The following ACSS1 variants were observed in gnomAD, a reference collection of about 807,000 sequenced individuals.
The protein encoded by ACSS1 is acyl-CoA synthetase short chain family member 1.
In ACSS1, 42 loss-of-function variants were observed where a neutral mutation model predicts 75.3. The ratio of observed to expected loss-of-function variants is 0.56; its 90% CI spans 0.44 to 0.72. ACSS1 has a LOEUF of 0.72. Among genes scored for constraint, ACSS1 ranks in the 30% least tolerant of loss-of-function variants. The probability of loss-of-function intolerance (pLI) is 0.00; values close to 1 mark genes in which losing one functional copy is unlikely to be tolerated. For synonymous variants in ACSS1, 380 were observed against 376.8 expected (o/e 1.01, Z -0.10); for missense variants, 782 against 935.7 (o/e 0.84, Z 2.14).
At chr20:25,017,952 AC>A (rs1339549744) in intron 7 of ACSS1, among the ~76,000 whole-genome samples, 1 of 152,136 alleles carries the variant, frequency 6.6e-6, no homozygotes, top group East Asian at 1.9e-4. Flanking sequence ...GGCCCTGGCC[AC>A]CCCGCTGTTT....
At chr20:25,026,424 T>C (rs918217279) in intron 3 of ACSS1, among the ~76,000 whole-genome samples, 1 of 152,140 alleles carries the variant, frequency 6.6e-6, no homozygotes, top group Admixed American at 6.5e-5. Flanking sequence ...CTTGGAGCCA[T>C]GTGCTGCCAT....
Position 25,007,731 on chromosome 20 carries a change from G to A in ACSS1, c.*31C>T, listed in dbSNP as rs760040199. The A allele has an allele frequency of 1.2e-5, 19 of 1,608,860 alleles. 1 individual carries two copies. The highest frequency in any genetic ancestry group is 4.4e-5 in the South Asian group (4 of 90,574). On this transcript the variant is annotated 3_prime_UTR_variant, in exon 14 of 14. Transcript: ENST00000323482. ...AGGACAAGCCAGGGCTTGGGTGCCC[G>A]CCCATCCCAAGAGCCCCACAAGGTG...
At chr20:25,041,679 T>C (rs1473152888) in intron 2 of ACSS1, among the ~76,000 whole-genome samples, 2 of 151,966 alleles carry the variant, frequency 1.3e-5, no homozygotes, top group Non-Finnish European at 2.9e-5. Context: ...TGTCCCACAA[T>C]TTAGTTGTGA....
intron 10 of ACSS1, among the ~76,000 whole-genome samples, chr20:25,013,151 C>T (rs2088445759): frequency 1.3e-5 from 2 of 152,210 alleles, no homozygotes; most frequent in South Asian, 4.1e-4. Flanking sequence ...ACAAGCAGCA[C>T]ATCCAAGATG....
At position 25,013,979 on chromosome 20, in the gene ACSS1, G is replaced by C. The variant is rs144154135; in HGVS notation, c.1434C>G (p.Pro478=). Residue 478 remains proline (P), a synonymous_variant, in exon 9 of 14, where the codon CCC becomes CCG. Coordinates refer to ENST00000323482, the MANE Select transcript of ACSS1 (RefSeq NM_032501.4). The part of the protein sequence containing the change: ...MAMRPFFGIV[P]VLMDEKGSVV... ...TACACACCTTCTCATCCATGAGGAC[G>C]GGGACGATGCCAAAGAAGGGCCTCA... 4.3e-6 allele frequency: 7 copies of C among 1,613,746 alleles called. No individual in the cohort carries two copies. Among genetic ancestry groups the C allele is most frequent in the Non-Finnish European group, 4.2e-6 (5 of 1,179,870 alleles).
intron 1 of ACSS1, among the ~76,000 whole-genome samples, chr20:25,050,696 C>T (rs568070121): frequency 6.6e-6 from 1 of 152,206 alleles, no homozygotes; most frequent in Admixed American, 6.5e-5. Context: ...CATCGCCTCA[C>T]CTGCTCCCAC....
At chr20:25,044,538 G>A (rs758487612) in intron 2 of ACSS1, among the ~76,000 whole-genome samples, 8 of 152,272 alleles carry the variant, frequency 5.3e-5, no homozygotes, top group South Asian at 2.1e-4. Context: ...ACTTGAGCCC[G>A]GGAGGTCAAG....
At chr20:25,040,838 C>A (rs546313985) in intron 2 of ACSS1, among the ~76,000 whole-genome samples, 75 of 152,314 alleles carry the variant, frequency 4.9e-4, no homozygotes, top group African/African-American at 1.6e-3. Flanking sequence ...ATGCCCCACC[C>A]CAGGCCACCC....
chr20:25,013,954 TAC>T lies in ACSS1; in HGVS notation c.1452+5_1452+6del, dbSNP rs2088468993. On this transcript the variant is annotated splice_donor_5th_base_variant and intron_variant, in intron 9 of 13. Transcript: ENST00000323482. ...ATGACCCCCATGTGGGGGAGGCCCA[TAC>T]ACACCTTCTCATCCATGAGGACGGG... 6.2e-7 allele frequency: 1 copy of T among 1,612,160 alleles called. No individual in the cohort carries two copies. Among genetic ancestry groups the T allele is most frequent in the Non-Finnish European group, 8.5e-7 (1 of 1,179,020 alleles).
intron 9 of ACSS1, 36 bp downstream of exon 9, chr20:25,013,925 G>A (rs2088467458): frequency 1.3e-6 from 2 of 1,586,408 alleles, no homozygotes; most frequent in South Asian, 2.2e-5. Context: ...GGGAGGGCAA[G>A]CACATGACCC....
At chr20:25,040,252 C>T (rs1464465166) in intron 2 of ACSS1, among the ~76,000 whole-genome samples, 1 of 152,244 alleles carries the variant, frequency 6.6e-6, no homozygotes, top group Non-Finnish European at 1.5e-5. Context: ...AGAGCCCATT[C>T]GGCTGCCACA....
chr20:25,006,660 A>C lies in ACSS1; in HGVS notation c.*1102T>G. 1.3e-6 allele frequency: 1 copy of C among 742,508 alleles called. No individual in the cohort carries two copies. The allele number at this position is 742,508 out of a possible 1,614,324, so 46.0% of individuals were successfully genotyped here. On this transcript the variant is annotated 3_prime_UTR_variant, in exon 14 of 14. Transcript: ENST00000323482. ...TCCCCTGCCAACCGCCAGCCCCTGC[A>C]TGCCTAGCAGGGAGGTAAGCACCCA...
rs753065403 is a variant in ACSS1, at chr20:25,013,985, G to T, written c.1428C>A (p.Ile476=). ...PAMAMRPFFG[I]VPVLMDEKGS... ...CCTTCTCATCCATGAGGACGGGGAC[G>T]ATGCCAAAGAAGGGCCTCATCGCCA... The change falls in exon 9 of 14, where the codon ATC becomes ATA. Residue 476 remains isoleucine (I), a synonymous_variant. Transcript: ENST00000323482. 1 of 1,613,712 alleles carries T rather than the reference G, an allele frequency of 6.2e-7. No individual in the cohort carries two copies. Among genetic ancestry groups the T allele is most frequent in the Admixed American group, 1.7e-5 (1 of 59,984 alleles).
At chr20:25,056,579 C>T (rs1264545722) in intron 1 of ACSS1, among the ~76,000 whole-genome samples, 2 of 152,180 alleles carry the variant, frequency 1.3e-5, no homozygotes, top group Admixed American at 1.3e-4. Context: ...CCAGTAAGCG[C>T]TGGGTCTGCT....
At chr20:25,008,008 A>T in intron 13 of ACSS1, 67 bp from the exon 14 acceptor site, 1 of 1,550,812 alleles carries the variant, frequency 6.4e-7, no homozygotes, top group Non-Finnish European at 8.7e-7. Flanking sequence ...CGTGGACTGC[A>T]TTAAGATCAG....
intron 10 of ACSS1, 106 bp from the exon 11 acceptor site, chr20:25,013,045 G>A (rs1053521765): frequency 1.6e-5 from 24 of 1,521,812 alleles, no homozygotes; most frequent in Non-Finnish European, 2.0e-5. Flanking sequence ...CTGAAGTCTC[G>A]CCCATCGGCC....
intron 13 of ACSS1, among the ~76,000 whole-genome samples, chr20:25,008,897 C>T (rs73906045): frequency 0.011 from 1,689 of 152,132 alleles, 34 homozygotes; most frequent in African/African-American, 0.039. Context: ...GCTGGCTGGG[C>T]GTGGAAGCCT....
At chr20:25,029,866 A>C (rs77309490) in intron 3 of ACSS1, among the ~76,000 whole-genome samples, 2,636 of 152,374 alleles carry the variant, frequency 0.017, 32 homozygotes, top group Non-Finnish European at 0.023. Flanking sequence ...ATTGCATAAA[A>C]TACTTATGAA....
At chr20:25,049,370 G>T (rs985503088) in intron 1 of ACSS1, among the ~76,000 whole-genome samples, 1 of 152,062 alleles carries the variant, frequency 6.6e-6, no homozygotes, top group Non-Finnish European at 1.5e-5. Context: ...TGGGTGTTGG[G>T]GAGTCTCTTA....
Sources: allele counts gnomAD v4.1 joint callset (sites outside exome capture counted in the v4.1 genomes callset), GRCh38; gene constraint gnomAD v4.1.1; transcripts MANE v1.5; gene names NCBI Gene and HGNC (gene_info 2026-07-23, HGNC 2026-07-21).